CREB5: variants seen among roughly 807,000 people sequenced by gnomAD.
The protein encoded by CREB5 is cyclic AMP-responsive element-binding protein 5.
Under a neutral mutation model 57.1 loss-of-function variants are expected in CREB5, and 19 were observed. The observed-to-expected ratio is 0.33, with a 90% CI of 0.23 to 0.49. The LOEUF (loss-of-function observed/expected upper bound fraction) is 0.49, where lower values mean the gene tolerates loss of function less well. Ranked by LOEUF, CREB5 falls within the 20% of genes least tolerant of loss-of-function variation. The pLI is 0.99. For missense variants in CREB5, 579 were observed against 671.6 expected (o/e 0.86, Z 1.52); for synonymous variants, 238 against 238.3 (o/e 1.00, Z 0.01).
chr7:28,578,041 G>A (rs1795969294), intron 5 of CREB5, among the ~76,000 whole-genome samples: 1 of 152,200 alleles, frequency 6.6e-6, no homozygotes, highest in Non-Finnish European at 1.5e-5. Flanking sequence ...ATGGGAAAAT[G>A]CAGTCCACTG....
At chr7:28,335,293 A>G (rs1785802419) in intron 1 of CREB5, among the ~76,000 whole-genome samples, 1 of 152,128 alleles carries the variant, frequency 6.6e-6, no homozygotes. Context: ...TGTAATACGA[A>G]CATTTTAACA....
intron 5 of CREB5, among the ~76,000 whole-genome samples, chr7:28,705,693 T>G (rs892694109): frequency 1.1e-4 from 16 of 152,154 alleles, no homozygotes; most frequent in Non-Finnish European, 2.2e-4. Context: ...ACCACATTTG[T>G]TTGCAAGTAG....
chr7:28,819,522 G>A lies in CREB5; in HGVS notation c.*243G>A, dbSNP rs1300473979. Reference sequence around the variant, plus strand: ...CTTTGGTGCTTTTCTCCAGTTTTCTGGTACCAGTTACTTGTTTATAAACTG... The same window carrying A: ...CTTTGGTGCTTTTCTCCAGTTTTCTAGTACCAGTTACTTGTTTATAAACTG... On this transcript the variant is annotated 3_prime_UTR_variant, in exon 11 of 11. Transcript: ENST00000357727. 3 of 437,104 alleles carry A rather than the reference G, an allele frequency of 6.9e-6. No homozygotes were observed. The highest frequency in any genetic ancestry group is 7.4e-5 in the South Asian group (2 of 26,916). The allele number at this position is 437,104 out of a possible 1,614,324, so 27.1% of individuals were successfully genotyped here.
At chr7:28,598,820 G>A (rs906797488) in intron 5 of CREB5, among the ~76,000 whole-genome samples, 2 of 152,126 alleles carry the variant, frequency 1.3e-5, no homozygotes, top group Non-Finnish European at 2.9e-5. Flanking sequence ...GGATGGACGC[G>A]GGGGAGTCTA....
intron 5 of CREB5, among the ~76,000 whole-genome samples, chr7:28,622,041 C>T (rs1439758720): frequency 1.3e-5 from 2 of 151,994 alleles, no homozygotes; most frequent in African/African-American, 4.8e-5. Context: ...GATCTTATTA[C>T]CAGGGTGGAG....
chr7:28,707,902 G>A (rs142085292), intron 5 of CREB5, among the ~76,000 whole-genome samples: 10 of 152,250 alleles, frequency 6.6e-5, no homozygotes, highest in Admixed American at 1.3e-4. Context: ...TCTCCCCCAT[G>A]GGCTAAAGAA....
chr7:28,588,091 G>A (rs1464159412), intron 5 of CREB5, among the ~76,000 whole-genome samples: 1 of 152,116 alleles, frequency 6.6e-6, no homozygotes, highest in East Asian at 1.9e-4. Context: ...TAAAATAGAG[G>A]AAAGATCTCA....
chr7:28,329,899 G>A (rs917302686), intron 1 of CREB5, among the ~76,000 whole-genome samples: 1 of 152,214 alleles, frequency 6.6e-6, no homozygotes, highest in Non-Finnish European at 1.5e-5. Context: ...ATTCCAATAA[G>A]AGCAGATGCT....
intron 1 of CREB5, among the ~76,000 whole-genome samples, chr7:28,330,417 TTTTTG>T (rs1324592140): frequency 8.0e-5 from 12 of 149,854 alleles, no homozygotes; most frequent in Non-Finnish European, 1.5e-5. Context: ...TTTTTTTTTT[TTTTTG>T]CATATTTAGT....
chr7:28,810,551 C>G (rs1809053510), intron 9 of CREB5, among the ~76,000 whole-genome samples: 1 of 151,916 alleles, frequency 6.6e-6, no homozygotes, highest in Non-Finnish European at 1.5e-5. Context: ...AAAAAAATTG[C>G]CAGGTGTGGT....
chr7:28,681,054 C>G (rs917611671), intron 5 of CREB5, among the ~76,000 whole-genome samples: 7 of 152,132 alleles, frequency 4.6e-5, no homozygotes, highest in Admixed American at 4.6e-4. Flanking sequence ...TGACATCCAC[C>G]ACAGAGTGCT....
At chr7:28,758,686 C>T (rs551391153) in intron 7 of CREB5, among the ~76,000 whole-genome samples, 4 of 152,238 alleles carry the variant, frequency 2.6e-5, no homozygotes, top group East Asian at 1.9e-4. Context: ...TTTCAGGAAA[C>T]GTGTGGTTCT....
At position 28,495,019 on chromosome 7, in the gene CREB5, A is replaced by G. The variant is rs766879037; in HGVS notation, c.169+20A>G. On this transcript the variant is annotated intron_variant, in intron 3 of 10. Coordinates refer to ENST00000357727, the MANE Select transcript of CREB5 (RefSeq NM_182898.4). ...TATCAGGTAAGGAGCCATCAGGAAA[A>G]GAAGCTTTGGGTGATCAGATCTGTT... 6.4e-7 allele frequency: 1 copy of G among 1,558,836 alleles called. No homozygotes were observed. Among genetic ancestry groups the G allele is most frequent in the African/African-American group, 1.4e-5 (1 of 72,444 alleles).
chr7:28,302,731 G>A (rs1785118092), intron 1 of CREB5, among the ~76,000 whole-genome samples: 1 of 152,140 alleles, frequency 6.6e-6, no homozygotes, highest in African/African-American at 2.4e-5. Context: ...CCTCTCTCCA[G>A]CATGGAAAAC....
At chr7:28,471,491 C>T (rs970920119) in intron 1 of CREB5, among the ~76,000 whole-genome samples, 1 of 152,088 alleles carries the variant, frequency 6.6e-6, no homozygotes, top group Non-Finnish European at 1.5e-5. Flanking sequence ...TATAATTTGG[C>T]TATTTGGGGT....
At chr7:28,763,079 A>G (rs1375076022) in intron 7 of CREB5, among the ~76,000 whole-genome samples, 2 of 152,174 alleles carry the variant, frequency 1.3e-5, no homozygotes, top group East Asian at 3.8e-4. Flanking sequence ...TTAAAGTATA[A>G]CTTGTGCATC....
rs550401357 is a variant in CREB5, at chr7:28,376,014, G to T, written c.-25+76573G>T. ...TGAACTCACGCAGTTGGCCTCCAGAGGCCATCTTGTCTCCCACCATGCCCC... is the reference window on the plus strand; with the variant it reads ...TGAACTCACGCAGTTGGCCTCCAGATGCCATCTTGTCTCCCACCATGCCCC... On this transcript the variant is annotated intron_variant, in intron 1 of 9. Coordinates refer to the CREB5 transcript ENST00000396299. Among the ~76,000 whole-genome samples, 271 of 152,284 alleles carry T rather than the reference G, an allele frequency of 1.8e-3. 3 individuals carry two copies. The Middle Eastern group carries it at 0.02, about 11-fold the overall frequency.
At chr7:28,776,515 A>G (rs1806654911) in intron 7 of CREB5, among the ~76,000 whole-genome samples, 1 of 152,186 alleles carries the variant, frequency 6.6e-6, no homozygotes, top group African/African-American at 2.4e-5. Context: ...AGAAGGCAAG[A>G]GAGTTTTTTT....
At chr7:28,759,398 G>A (rs1298934471) in intron 7 of CREB5, among the ~76,000 whole-genome samples, 1 of 152,078 alleles carries the variant, frequency 6.6e-6, no homozygotes, top group African/African-American at 2.4e-5. Flanking sequence ...CTTACATGGG[G>A]CTTCTTAGAA....
Sources: gnomAD v4.1 joint callset for allele counts (sites outside exome capture counted in the v4.1 genomes callset) on GRCh38, gnomAD v4.1.1 for gene constraint, MANE v1.5 for transcripts, NCBI Gene and HGNC (gene_info 2026-07-23, HGNC 2026-07-21) for gene names.